Variants in IL1RAPL2 observed in about 807,000 individuals in gnomAD.
IL1RAPL2 encodes interleukin 1 receptor accessory protein like 2.
A neutral mutation model predicts 44.1 loss-of-function variants in IL1RAPL2; 3 were observed. The observed-to-expected ratio is 0.07, with a 90% CI of 0.03 to 0.18. The LOEUF (loss-of-function observed/expected upper bound fraction) is 0.18, where lower values mean the gene tolerates loss of function less well. Ranked by LOEUF, IL1RAPL2 falls within the 10% of genes least tolerant of loss-of-function variation. The probability of loss-of-function intolerance (pLI) is 1.00; values close to 1 mark genes in which losing one functional copy is unlikely to be tolerated. For missense variants in IL1RAPL2, 391 were observed against 496.4 expected, an observed-to-expected ratio of 0.79 and a Z score of 2.02; for synonymous variants, 181 against 178.8, an observed-to-expected ratio of 1.01 and a Z score of -0.10.
chrX:105,579,903 A>G (rs1250023372), intron 6 of IL1RAPL2, among the ~76,000 whole-genome samples: 1 of 111,882 alleles, frequency 8.9e-6, no homozygotes, highest in Non-Finnish European at 1.9e-5. Context: ...TGGTATCCCA[A>G]CAGACATTGG....
chrX:105,492,545 CTTAT>C (rs1261787814), intron 6 of IL1RAPL2, among the ~76,000 whole-genome samples: 1 of 109,084 alleles, frequency 9.2e-6, no homozygotes, highest in Non-Finnish European at 1.9e-5. Context: ...TTATTATAAT[CTTAT>C]TTAATAATAA....
At chrX:105,582,819 C>T (rs961122074) in intron 6 of IL1RAPL2, among the ~76,000 whole-genome samples, 1 of 110,465 alleles carries the variant, frequency 9.1e-6, no homozygotes, top group East Asian at 2.9e-4. Context: ...GTTGTAATAA[C>T]ACTGCATGGC....
intron 2 of IL1RAPL2, among the ~76,000 whole-genome samples, chrX:104,845,385 G>T (rs2147637956): frequency 8.9e-6 from 1 of 112,182 alleles, no homozygotes; most frequent in Non-Finnish European, 1.9e-5. Flanking sequence ...AGAGAGAGAG[G>T]ATCTCTAAGA....
intron 7 of IL1RAPL2, 22 bp downstream of exon 7, chrX:105,717,518 T>C: frequency 8.5e-7 from 1 of 1,177,793 alleles, no homozygotes; most frequent in Non-Finnish European, 1.1e-6. Flanking sequence ...GAATTGCTTA[T>C]CTTTCTTTGC....
chrX:105,297,745 G>A lies in IL1RAPL2; in HGVS notation c.697+30204G>A, dbSNP rs189227907. Among the ~76,000 whole-genome samples, 899 of 110,997 alleles carry A rather than the reference G, an allele frequency of 8.1e-3. 34 individuals carry two copies. The highest frequency in any genetic ancestry group is 0.079 in the Admixed American group (822 of 10,388). ...GATTTGGGTAATTACAATTCCAAAT[G>A]AGATTTGGGTAGGGACACAGAGCCA... On this transcript the variant is annotated intron_variant, in intron 5 of 10. Transcript: ENST00000372582.
chrX:104,582,983 G>T (rs757732925), intron 1 of IL1RAPL2, among the ~76,000 whole-genome samples: 8 of 107,036 alleles, frequency 7.5e-5, no homozygotes, highest in Non-Finnish European at 1.5e-4. Context: ...CGACCTCCAG[G>T]TTCAAGTGAT....
At chrX:104,721,894 C>A (rs1402869254) in intron 2 of IL1RAPL2, among the ~76,000 whole-genome samples, 1 of 111,292 alleles carries the variant, frequency 9.0e-6, no homozygotes, top group Non-Finnish European at 1.9e-5. Flanking sequence ...TTGATAAGCG[C>A]TATTGTATAG....
In IL1RAPL2 at chrX:105,321,091, G is replaced by A. The variant is rs956308932; in HGVS notation, c.697+53550G>A. 5.4e-5 allele frequency among the ~76,000 whole-genome samples: 6 copies of A among 111,681 alleles called. No individual in the cohort carries two copies. In the East Asian group the frequency reaches 1.7e-3, roughly 31 times the overall value. Reference sequence around the variant, plus strand: ...CCTGTGGCTATGGGTTTGGGGTGGGGCATCTGTGCTGGGGTGTAGAGGAGT... The same window carrying A: ...CCTGTGGCTATGGGTTTGGGGTGGGACATCTGTGCTGGGGTGTAGAGGAGT... On this transcript the variant is annotated intron_variant, in intron 5 of 10. Coordinates refer to ENST00000372582, the MANE Select transcript of IL1RAPL2 (RefSeq NM_017416.2).
chrX:104,915,135 C>T (rs1320860688), intron 2 of IL1RAPL2, among the ~76,000 whole-genome samples: 26 of 111,585 alleles, frequency 2.3e-4, no homozygotes, highest in East Asian at 2.8e-4. Flanking sequence ...CCCGAGGAAT[C>T]GCCACACTGA....
chrX:105,675,643 A>C (rs74728196), intron 6 of IL1RAPL2, among the ~76,000 whole-genome samples: 106 of 111,370 alleles, frequency 9.5e-4, no homozygotes, highest in African/African-American at 3.4e-3. Flanking sequence ...TATCTCTCCC[A>C]GGTTTTGGTA....
chrX:104,739,055 T>C (rs1669122655), intron 2 of IL1RAPL2, among the ~76,000 whole-genome samples: 1 of 111,186 alleles, frequency 9.0e-6, no homozygotes. Context: ...GAGGGAGCAA[T>C]GATATAACCA....
At chrX:104,733,354 G>A (rs186337372) in intron 2 of IL1RAPL2, among the ~76,000 whole-genome samples, 1,262 of 111,012 alleles carry the variant, frequency 0.011, 9 homozygotes, top group Non-Finnish European at 0.018. Flanking sequence ...CACTTTGCGA[G>A]GCCGAGGTGG....
At position 105,028,625 on chromosome X, in the gene IL1RAPL2, C is replaced by T. The variant is rs1293149756; in HGVS notation, c.83-166850C>T. Among the ~76,000 whole-genome samples the T allele has an allele frequency of 8.1e-5, 9 of 111,067 alleles. No homozygotes were observed. In the East Asian group the frequency reaches 2.6e-3, roughly 32 times the overall value. ...CATGCATAGTGGGTTGTATTAACAT[C>T]TGGAGTGAGTCAGTGTAGAGAAAGA... On this transcript the variant is annotated intron_variant, in intron 2 of 10. Transcript: ENST00000372582.
intron 6 of IL1RAPL2, among the ~76,000 whole-genome samples, chrX:105,655,346 C>G (rs2037670455): frequency 8.9e-6 from 1 of 112,545 alleles, no homozygotes; most frequent in Non-Finnish European, 1.9e-5. Flanking sequence ...CTCATCCCAA[C>G]CCATCTCATT....
At chrX:105,504,991 A>G (rs2036421228) in intron 6 of IL1RAPL2, among the ~76,000 whole-genome samples, 1 of 111,197 alleles carries the variant, frequency 9.0e-6, no homozygotes, top group Non-Finnish European at 1.9e-5. Context: ...GGTGTAGCAT[A>G]CAAGTCTATT....
At chrX:105,653,040 G>C (rs998662108) in intron 6 of IL1RAPL2, among the ~76,000 whole-genome samples, 2 of 111,097 alleles carry the variant, frequency 1.8e-5, no homozygotes, top group Non-Finnish European at 3.8e-5. Flanking sequence ...TAAAAGAGAA[G>C]GGGAAAATAC....
At chrX:104,998,827 G>C (rs896736202) in intron 2 of IL1RAPL2, among the ~76,000 whole-genome samples, 1 of 110,832 alleles carries the variant, frequency 9.0e-6, no homozygotes, top group Non-Finnish European at 1.9e-5. Context: ...TTTGAGAGAG[G>C]GTCTTGCCCT....
chrX:105,417,331 G>A (rs1249465110), intron 5 of IL1RAPL2, among the ~76,000 whole-genome samples: 1 of 111,925 alleles, frequency 8.9e-6, no homozygotes, highest in Non-Finnish European at 1.9e-5. Context: ...AAATTAGCTG[G>A]GTGTGGTGGC....
chrX:105,114,898 G>A (rs1431587498), intron 2 of IL1RAPL2, among the ~76,000 whole-genome samples: 2 of 111,684 alleles, frequency 1.8e-5, no homozygotes, highest in African/African-American at 6.5e-5. Flanking sequence ...TTAACAGCTA[G>A]GATTAGTGTG....
Sources: gnomAD v4.1 joint callset for allele counts (sites outside exome capture counted in the v4.1 genomes callset) on GRCh38, gnomAD v4.1.1 for gene constraint, MANE v1.5 for transcripts, NCBI Gene and HGNC (gene_info 2026-07-23, HGNC 2026-07-21) for gene names.